MAML3: variants seen among roughly 807,000 people sequenced by gnomAD.
MAML3 encodes the protein mastermind like transcriptional coactivator 3, also known as mastermind-like protein 3.
A neutral mutation model predicts 101.9 loss-of-function variants in MAML3; 27 were observed. That is an observed-to-expected ratio of 0.27 (90% CI 0.20 to 0.37). The LOEUF is 0.37. Among genes scored for constraint, MAML3 ranks in the 10% least tolerant of loss-of-function variants. The pLI, the probability that MAML3 is intolerant of heterozygous loss-of-function variation, is 1.00. For synonymous variants in MAML3, 501 were observed against 555.9 expected (o/e 0.90, Z 1.39); for missense variants, 1,316 against 1,444.9 (o/e 0.91, Z 1.45).
intron 1 of MAML3, among the ~76,000 whole-genome samples, chr4:140,036,855 G>A (rs1279393902): frequency 6.6e-6 from 1 of 152,146 alleles, no homozygotes; most frequent in Non-Finnish European, 1.5e-5. Flanking sequence ...CTCTTGGTGT[G>A]TATTTTAGAA....
chr4:139,989,748 C>T lies in MAML3; in HGVS notation c.469-98781G>A, dbSNP rs540489314. On this transcript the variant is annotated intron_variant, in intron 1 of 4. Transcript: ENST00000509479. ...AAGGATTGGATAGCAGCAGGGAACA[C>T]GTGAATATATTCATGCCGTAGCCAG... 3.4e-4 allele frequency among the ~76,000 whole-genome samples: 51 copies of T among 151,936 alleles called. 1 individual carries two copies. Among genetic ancestry groups the T allele is most frequent in the African/African-American group, 1.1e-3 (45 of 41,432 alleles).
At chr4:139,832,092 C>G (rs868395425) in intron 2 of MAML3, among the ~76,000 whole-genome samples, 1 of 89,954 alleles carries the variant, frequency 1.1e-5, no homozygotes, top group East Asian at 2.5e-4. Flanking sequence ...CATGCCCAGC[C>G]CCTTTTTTTT....
intron 2 of MAML3, among the ~76,000 whole-genome samples, chr4:139,832,647 C>A (rs1049617053): frequency 6.6e-6 from 1 of 152,180 alleles, no homozygotes. Flanking sequence ...AGGAATTGTG[C>A]CTGGTGCCTA....
At chr4:140,145,872 T>TTTTTTC (rs1375233584) in intron 1 of MAML3, among the ~76,000 whole-genome samples, 3 of 52,608 alleles carry the variant, frequency 5.7e-5, no homozygotes, top group Non-Finnish European at 1.1e-4. Flanking sequence ...CTTTTTTTTC[T>TTTTTTC]TTTTTCTTTT....
intron 2 of MAML3, among the ~76,000 whole-genome samples, chr4:139,808,577 A>C (rs1730739480): frequency 6.6e-6 from 1 of 152,214 alleles, no homozygotes; most frequent in Non-Finnish European, 1.5e-5. Flanking sequence ...AAAGGCAAAA[A>C]GGAGGAAGCA....
At chr4:140,097,516 G>C (rs2110991346) in intron 1 of MAML3, among the ~76,000 whole-genome samples, 1 of 152,144 alleles carries the variant, frequency 6.6e-6, no homozygotes, top group South Asian at 2.1e-4. Context: ...TTTTCAAAAA[G>C]ATGGGGCTTT....
intron 1 of MAML3, among the ~76,000 whole-genome samples, chr4:140,100,164 C>G (rs930593115): frequency 6.6e-6 from 1 of 152,090 alleles, no homozygotes; most frequent in African/African-American, 2.4e-5. Context: ...CCCCACTCCA[C>G]CCCCTCCCAT....
chr4:139,815,919 A>AATAAATAAATAAATAAAT, intron 2 of MAML3, among the ~76,000 whole-genome samples: 1 of 152,242 alleles, frequency 6.6e-6, no homozygotes, highest in Middle Eastern at 3.4e-3. Context: ...TAATACTTCT[A>AATAAATAAATAAATAAAT]ACGCTTGAAC....
chr4:139,728,315 G>A (rs1397596539), intron 3 of MAML3, among the ~76,000 whole-genome samples: 1 of 152,178 alleles, frequency 6.6e-6, no homozygotes, highest in Non-Finnish European at 1.5e-5. Flanking sequence ...CAGGCAAGAC[G>A]CTCCACTGAC....
At chr4:139,829,870 T>TA (rs995806344) in intron 2 of MAML3, among the ~76,000 whole-genome samples, 7 of 152,300 alleles carry the variant, frequency 4.6e-5, no homozygotes, top group Non-Finnish European at 8.8e-5. Flanking sequence ...TATAACTTTT[T>TA]AAAAAAATAT....
intron 2 of MAML3, among the ~76,000 whole-genome samples, chr4:139,751,312 G>A (rs943838069): frequency 6.6e-6 from 1 of 152,180 alleles, no homozygotes; most frequent in Non-Finnish European, 1.5e-5. Context: ...GAAGTATTAC[G>A]AATTTCTTGG....
At chr4:139,850,180 T>G (rs1731521407) in intron 2 of MAML3, among the ~76,000 whole-genome samples, 1 of 152,230 alleles carries the variant, frequency 6.6e-6, no homozygotes, top group Non-Finnish European at 1.5e-5. Context: ...GCAAGCAGTG[T>G]TTTATAAAAT....
At chr4:139,789,602 G>A (rs1348072812) in intron 2 of MAML3, among the ~76,000 whole-genome samples, 1 of 152,164 alleles carries the variant, frequency 6.6e-6, no homozygotes, top group Non-Finnish European at 1.5e-5. Context: ...GGTTTTGAAT[G>A]TCATGTAAGC....
In MAML3 at chr4:139,717,021, C is replaced by CTATT. The variant is rs1553949889; in HGVS notation, c.*2298_*2301dup. ...AGTTAAGGAATGAAATAAAAATACT[C>CTATT]TATTTTAAACAAACAGTATATATAT... On this transcript the variant is annotated 3_prime_UTR_variant, in exon 5 of 5. Coordinates refer to ENST00000509479, the MANE Select transcript of MAML3 (RefSeq NM_018717.5). 1 of 152,468 alleles carries CTATT rather than the reference C, an allele frequency of 6.6e-6. No individual in the cohort carries two copies. The highest frequency in any genetic ancestry group is 1.5e-5 in the Non-Finnish European group (1 of 68,022). 9.4% of individuals were successfully genotyped at this position (152,468 alleles called of 1,614,324 possible).
At chr4:140,112,524 A>T (rs1237215745) in intron 1 of MAML3, among the ~76,000 whole-genome samples, 2 of 152,254 alleles carry the variant, frequency 1.3e-5, no homozygotes, top group Admixed American at 1.3e-4. Flanking sequence ...GTCACATTGA[A>T]ACTGGCTTTG....
chr4:139,859,906 T>C (rs1178616689), intron 2 of MAML3, among the ~76,000 whole-genome samples: 3 of 152,166 alleles, frequency 2.0e-5, no homozygotes, highest in Non-Finnish European at 4.4e-5. Flanking sequence ...AAACCGTCTG[T>C]ACGAGAGCAA....
chr4:139,907,581 T>C (rs1732842627), intron 1 of MAML3, among the ~76,000 whole-genome samples: 1 of 152,222 alleles, frequency 6.6e-6, no homozygotes, highest in Non-Finnish European at 1.5e-5. Context: ...TTAAATTACA[T>C]GACTCATTCA....
At chr4:139,768,222 T>TTGTGTGTG (rs34182828) in intron 2 of MAML3, among the ~76,000 whole-genome samples, 3,045 of 136,364 alleles carry the variant, frequency 0.022, 44 homozygotes, top group East Asian at 0.029. Context: ...CTGTTGATAG[T>TTGTGTGTG]TGTGTGTGTG....
intron 1 of MAML3, among the ~76,000 whole-genome samples, chr4:139,953,228 G>A (rs1159016829): frequency 6.6e-6 from 1 of 152,186 alleles, no homozygotes; most frequent in Non-Finnish European, 1.5e-5. Flanking sequence ...AGGAAACTAG[G>A]AGACAGGAAG....
Sources: gnomAD v4.1 joint callset for allele counts (sites outside exome capture counted in the v4.1 genomes callset) on GRCh38, gnomAD v4.1.1 for gene constraint, MANE v1.5 for transcripts, NCBI Gene and HGNC (gene_info 2026-07-23, HGNC 2026-07-21) for gene names.